CREB5: variants seen among roughly 807,000 people sequenced by gnomAD.
The protein encoded by CREB5 is cAMP responsive element binding protein 5.
CREB5 carries 19 observed loss-of-function variants against 57.1 expected under a neutral mutation model. That is an observed-to-expected ratio of 0.33 (90% CI 0.23 to 0.49). The LOEUF (loss-of-function observed/expected upper bound fraction) is 0.49. Ranked by LOEUF, CREB5 falls within the 20% of genes least tolerant of loss-of-function variation. The probability of loss-of-function intolerance (pLI) is 0.99; values close to 1 mark genes in which losing one functional copy is unlikely to be tolerated. For synonymous variants in CREB5, 238 were observed against 238.3 expected, an observed-to-expected ratio of 1.00 and a Z score of 0.01; for missense variants, 579 against 671.6, an observed-to-expected ratio of 0.86 and a Z score of 1.52.
At chr7:28,566,625 A>G (rs1414394644) in intron 4 of CREB5, among the ~76,000 whole-genome samples, 1 of 152,196 alleles carries the variant, frequency 6.6e-6, no homozygotes, top group Non-Finnish European at 1.5e-5. Context: ...ATGTGAACTC[A>G]GGAAGTAATT....
intron 4 of CREB5, among the ~76,000 whole-genome samples, chr7:28,557,020 C>T (rs890157315): frequency 6.7e-6 from 1 of 150,266 alleles, no homozygotes; most frequent in African/African-American, 2.4e-5. Context: ...CTCTTGTAGG[C>T]CTAGGGATAC....
Position 28,402,805 on chromosome 7 carries a change from A to G in CREB5, c.-24-92101A>G, listed in dbSNP as rs185569151. ...TAAAACACCAAAAGCAATGGCAACAAAAGCCAAAATTGACAAATGCGATCT... is the reference window on the plus strand; with the variant it reads ...TAAAACACCAAAAGCAATGGCAACAGAAGCCAAAATTGACAAATGCGATCT... On this transcript the variant is annotated intron_variant, in intron 1 of 9. Transcript: ENST00000396299. Among the ~76,000 whole-genome samples, 297 of 152,368 alleles carry G rather than the reference A, an allele frequency of 1.9e-3. 2 individuals carry two copies. Among genetic ancestry groups the G allele is most frequent in the African/African-American group, 6.7e-3 (279 of 41,588 alleles).
chr7:28,365,989 A>G (rs1250428037), intron 1 of CREB5, among the ~76,000 whole-genome samples: 4 of 152,206 alleles, frequency 2.6e-5, no homozygotes, highest in Admixed American at 2.0e-4. Context: ...AAACTGTTAT[A>G]TGGTTCTTTT....
chr7:28,444,168 A>G (rs549269839), intron 1 of CREB5, among the ~76,000 whole-genome samples: 2 of 152,300 alleles, frequency 1.3e-5, no homozygotes, highest in East Asian at 3.9e-4. Flanking sequence ...AATGCTTTAT[A>G]AAGATTTTGA....
rs537593830 is a variant in CREB5 at position 28,652,319 on chromosome 7, C to G, written c.465-66434C>G. On this transcript the variant is annotated intron_variant, in intron 5 of 10. Transcript: ENST00000357727. The stretch of plus-strand genomic sequence containing the variant: ...TGTGAAAGCTCCTATTTTCAAATTG[C>G]TTTAAGGTAATAATGGAAGTTTTGG... Among the ~76,000 whole-genome samples the G allele has an allele frequency of 2.9e-3, 435 of 152,036 alleles. 7 individuals carry two copies. The highest frequency in any genetic ancestry group is 2.5e-3 in the Non-Finnish European group (172 of 68,012).
intron 7 of CREB5, among the ~76,000 whole-genome samples, chr7:28,797,561 T>C (rs544761305): frequency 6.6e-6 from 1 of 152,314 alleles, no homozygotes; most frequent in African/African-American, 2.4e-5. Context: ...ATACTTAAAT[T>C]GCGGAACCAT....
At chr7:28,525,646 TA>T (rs1793416261) in intron 4 of CREB5, among the ~76,000 whole-genome samples, 1 of 152,114 alleles carries the variant, frequency 6.6e-6, no homozygotes, top group Non-Finnish European at 1.5e-5. Flanking sequence ...TGGCATGCAG[TA>T]AGGTACCACT....
chr7:28,432,316 G>T (rs536638414), intron 1 of CREB5, among the ~76,000 whole-genome samples: 1 of 152,252 alleles, frequency 6.6e-6, no homozygotes, highest in South Asian at 2.1e-4. Flanking sequence ...CCCAGTGTAG[G>T]AGTCATTTGG....
intron 8 of CREB5, among the ~76,000 whole-genome samples, chr7:28,805,934 G>A (rs1165662967): frequency 2.0e-5 from 3 of 151,772 alleles, no homozygotes; most frequent in Non-Finnish European, 2.9e-5. Context: ...AAATTGTATA[G>A]CAATCAAATG....
intron 1 of CREB5, among the ~76,000 whole-genome samples, chr7:28,445,797 TG>T (rs1789434358): frequency 1.3e-5 from 2 of 151,082 alleles, no homozygotes; most frequent in Admixed American, 1.3e-4. Context: ...ATGATCCGCC[TG>T]CCTCAGCCTC....
At chr7:28,536,074 C>T (rs1793955331) in intron 4 of CREB5, among the ~76,000 whole-genome samples, 1 of 152,062 alleles carries the variant, frequency 6.6e-6, no homozygotes, top group Non-Finnish European at 1.5e-5. Context: ...AGTCACTCCT[C>T]ATAGAGTGTC....
At chr7:28,317,514 T>A (rs1785405444) in intron 1 of CREB5, among the ~76,000 whole-genome samples, 1 of 152,216 alleles carries the variant, frequency 6.6e-6, no homozygotes, top group Non-Finnish European at 1.5e-5. Flanking sequence ...GGTATAGGCA[T>A]CAAGAGGCAA....
intron 1 of CREB5, among the ~76,000 whole-genome samples, chr7:28,325,502 AG>A (rs1273995902): frequency 6.6e-5 from 10 of 152,056 alleles, no homozygotes; most frequent in Non-Finnish European, 1.2e-4. Context: ...ACCATTCCGA[AG>A]GCTTCCCTTG....
chr7:28,434,225 C>G (rs1009946259), intron 1 of CREB5, among the ~76,000 whole-genome samples: 1 of 152,114 alleles, frequency 6.6e-6, no homozygotes, highest in Non-Finnish European at 1.5e-5. Context: ...ATCTCCACCA[C>G]CTCATTTTAC....
At chr7:28,496,954 A>G (rs942403755) in intron 3 of CREB5, among the ~76,000 whole-genome samples, 2 of 152,218 alleles carry the variant, frequency 1.3e-5, no homozygotes, top group African/African-American at 4.8e-5. Context: ...GTTATGTTCT[A>G]TAGAGTCAAT....
intron 1 of CREB5, among the ~76,000 whole-genome samples, chr7:28,432,269 T>C (rs1405195124): frequency 6.6e-5 from 10 of 152,202 alleles, no homozygotes; most frequent in African/African-American, 2.4e-4. Flanking sequence ...ATTAGTTTCA[T>C]GTGACAGAAC....
intron 7 of CREB5, among the ~76,000 whole-genome samples, chr7:28,776,980 C>G (rs886375969): frequency 3.9e-5 from 6 of 152,184 alleles, no homozygotes; most frequent in Non-Finnish European, 5.9e-5. Flanking sequence ...CACTGTTTGA[C>G]TATTATGAAT....
intron 3 of CREB5, among the ~76,000 whole-genome samples, chr7:28,502,244 C>T (rs1259017531): frequency 6.6e-5 from 10 of 152,008 alleles, no homozygotes; most frequent in African/African-American, 9.7e-5. Context: ...GATTGATTAT[C>T]GATCTTACAA....
chr7:28,560,793 CCA>C (rs1326129784), intron 4 of CREB5, among the ~76,000 whole-genome samples: 1 of 149,380 alleles, frequency 6.7e-6, no homozygotes, highest in South Asian at 2.1e-4. Context: ...TTCTCTGCTT[CCA>C]CAGTGTGTGT....
Sources: gnomAD v4.1 joint callset for allele counts (sites outside exome capture counted in the v4.1 genomes callset) on GRCh38, gnomAD v4.1.1 for gene constraint, MANE v1.5 for transcripts, NCBI Gene and HGNC (gene_info 2026-07-23, HGNC 2026-07-21) for gene names.